Variants in KAZN observed in about 807,000 individuals in gnomAD.
KAZN encodes kazrin.
A neutral mutation model predicts 87.4 loss-of-function variants in KAZN; 40 were observed. The observed-to-expected ratio is 0.46, with a 90% CI of 0.36 to 0.60. The LOEUF (loss-of-function observed/expected upper bound fraction) is 0.60, where lower values mean the gene tolerates loss of function less well. KAZN is among the 20% of genes least tolerant of loss of function. The pLI is 0.00. For missense variants in KAZN, 898 were observed against 1,073.9 expected (o/e 0.84, Z 2.29); for synonymous variants, 466 against 458.3 (o/e 1.02, Z -0.22).
At position 14,430,239 on chromosome 1, in the gene KAZN, T is replaced by C. The variant is rs368157783; in HGVS notation, c.250-168744T>C. On this transcript the variant is annotated intron_variant, in intron 2 of 16. Transcript: ENST00000636203. ...AAAAAAAAAAAAAAAAAACTCTTTA[T>C]CTTTGCCTACTTTTTTTTCCTTTGT... is the stretch of plus-strand genomic sequence containing the variant. 8.7e-3 allele frequency among the ~76,000 whole-genome samples: 1,314 copies of C among 151,534 alleles called. 18 individuals are homozygous for C. The highest frequency in any genetic ancestry group is 0.031 in the African/African-American group (1,260 of 41,166).
intron 2 of KAZN, among the ~76,000 whole-genome samples, chr1:14,972,908 G>T (rs959053225): frequency 6.6e-6 from 1 of 152,090 alleles, no homozygotes; most frequent in African/African-American, 2.4e-5. Context: ...AGGAGAGGGG[G>T]TGTGGGGAAC....
Position 13,988,394 on chromosome 1 carries a change from A to G in KAZN, c.91+94638A>G, listed in dbSNP as rs546813328. 2.0e-5 allele frequency among the ~76,000 whole-genome samples: 3 copies of G among 152,254 alleles called. No individual in the cohort carries two copies. In the East Asian group the frequency reaches 5.8e-4, roughly 29 times the overall value. On this transcript the variant is annotated intron_variant, in intron 1 of 16. Transcript: ENST00000636203. The stretch of plus-strand genomic sequence containing the variant: ...ACTGTAAAATTTTATATCTTGTCCA[A>G]GTTATTGTCCAAATAGGTATTCAAC...
At chr1:14,596,599 C>T (rs963524352), upstream of KAZN, among the ~76,000 whole-genome samples, 37 of 152,356 alleles carry the variant, frequency 2.4e-4, no homozygotes, top group African/African-American at 8.9e-4. Context: ...TAAGCAGTTA[C>T]TTCTCATTCT....
chr1:14,906,144 C>G (rs1656532854), intron 1 of KAZN, among the ~76,000 whole-genome samples: 1 of 150,538 alleles, frequency 6.6e-6, no homozygotes, highest in African/African-American at 2.4e-5. Context: ...TCCAACCTGG[C>G]CACAGATCGA....
At chr1:14,652,849 G>A (rs58966900) in intron 1 of KAZN, among the ~76,000 whole-genome samples, 32 of 151,708 alleles carry the variant, frequency 2.1e-4, no homozygotes, top group African/African-American at 6.3e-4. Context: ...TTGCTACCCC[G>A]CCCCCATGGC....
intron 2 of KAZN, among the ~76,000 whole-genome samples, chr1:14,260,562 C>T (rs1299361551): frequency 6.6e-6 from 1 of 152,102 alleles, no homozygotes; most frequent in Non-Finnish European, 1.5e-5. Context: ...TGGATGGAGA[C>T]ATCATTAACT....
chr1:15,001,304 A>G (rs1042255246), intron 2 of KAZN, among the ~76,000 whole-genome samples: 1 of 140,590 alleles, frequency 7.1e-6, no homozygotes, highest in Non-Finnish European at 1.6e-5. Flanking sequence ...TCTACTAAAA[A>G]TACAAAAAAA....
At position 14,363,432 on chromosome 1, in the gene KAZN, C is replaced by G. The variant is rs561587284; in HGVS notation, c.249+182840C>G. On this transcript the variant is annotated intron_variant, in intron 2 of 16. Transcript: ENST00000636203. Reference sequence around the variant, plus strand: ...TTCCCTCTAATCAAGGAAACACAACCCCAAACAATGGGCTGCTCAGACTTC... The same window carrying G: ...TTCCCTCTAATCAAGGAAACACAACGCCAAACAATGGGCTGCTCAGACTTC... Among the ~76,000 whole-genome samples, 63 of 152,290 alleles carry G rather than the reference C, an allele frequency of 4.1e-4. 1 individual carries two copies. The highest frequency in any genetic ancestry group is 1.5e-3 in the African/African-American group (61 of 41,570).
intron 2 of KAZN, among the ~76,000 whole-genome samples, chr1:14,582,671 C>T (rs537709835): frequency 6.6e-6 from 1 of 152,280 alleles, no homozygotes; most frequent in South Asian, 2.1e-4. Flanking sequence ...TGGGAAGCAC[C>T]ACTAACCTAG....
chr1:14,135,181 G>C (rs6683140), intron 1 of KAZN, among the ~76,000 whole-genome samples: 101,424 of 152,066 alleles, frequency 0.67, 35,130 homozygotes, highest in African/African-American at 0.84. Context: ...AGTGGCAGCA[G>C]CCAGGCCTGC....
intron 2 of KAZN, among the ~76,000 whole-genome samples, chr1:14,496,430 G>A (rs12030800): frequency 0.031 from 4,654 of 152,134 alleles, 191 homozygotes; most frequent in East Asian, 0.16. Flanking sequence ...TCATAGACTC[G>A]TTAACCACAG....
chr1:14,260,916 A>G (rs1650964842), intron 2 of KAZN, among the ~76,000 whole-genome samples: 1 of 152,174 alleles, frequency 6.6e-6, no homozygotes, highest in Non-Finnish European at 1.5e-5. Flanking sequence ...TCCAGGGTGC[A>G]TGCTCCCACT....
At chr1:14,572,860 C>T (rs971882262) in intron 2 of KAZN, among the ~76,000 whole-genome samples, 1 of 152,180 alleles carries the variant, frequency 6.6e-6, no homozygotes, top group African/African-American at 2.4e-5. Context: ...AAACACCTAA[C>T]GGATTAAACA....
chr1:14,419,871 G>T (rs74476036), intron 2 of KAZN, among the ~76,000 whole-genome samples: 28 of 151,084 alleles, frequency 1.9e-4, no homozygotes, highest in African/African-American at 6.7e-4. Context: ...ATTACAGCTC[G>T]CACAGACAGT....
At position 14,557,142 on chromosome 1, in the gene KAZN, G is replaced by A. The variant is rs374973274; in HGVS notation, c.250-41841G>A. Among the ~76,000 whole-genome samples, 10 of 152,208 alleles carry A rather than the reference G, an allele frequency of 6.6e-5. 1 individual carries two copies. The East Asian group carries it at 1.5e-3, about 23-fold the overall frequency. On this transcript the variant is annotated intron_variant, in intron 2 of 16. Coordinates refer to the KAZN transcript ENST00000636203. ...AGAAATAACGTGGGCAAATAGTAAA[G>A]TCAAAATTTTAGCAGACTGCATGAA...
At chr1:14,423,880 G>A (rs1305418678) in intron 2 of KAZN, among the ~76,000 whole-genome samples, 1 of 152,156 alleles carries the variant, frequency 6.6e-6, no homozygotes, top group Non-Finnish European at 1.5e-5. Flanking sequence ...GGCTGGGACC[G>A]TCCACATCAG....
chr1:14,658,702 A>G (rs1427646651), intron 1 of KAZN, among the ~76,000 whole-genome samples: 1 of 152,166 alleles, frequency 6.6e-6, no homozygotes, highest in African/African-American at 2.4e-5. Flanking sequence ...CTGCAGTGGA[A>G]GGGAACTCAC....
chr1:14,139,828 A>G (rs1208515431), intron 1 of KAZN, among the ~76,000 whole-genome samples: 1 of 152,104 alleles, frequency 6.6e-6, no homozygotes, highest in Non-Finnish European at 1.5e-5. Flanking sequence ...ATCAGGTCAG[A>G]TTTTCTCTAA....
In KAZN at chr1:14,838,469, C is replaced by T. The variant is rs553238948; in HGVS notation, c.227-122215C>T. 4.6e-5 allele frequency among the ~76,000 whole-genome samples: 7 copies of T among 152,304 alleles called. No individual in the cohort carries two copies. In the South Asian group the frequency reaches 8.3e-4, roughly 18 times the overall value. Reference sequence around the variant, plus strand: ...CCTCAGCTGGGAAGAAAGAGCCCCCCACCTGGTCAGTTACCCAGAATCTTC... The same window carrying T: ...CCTCAGCTGGGAAGAAAGAGCCCCCTACCTGGTCAGTTACCCAGAATCTTC... On this transcript the variant is annotated intron_variant, in intron 1 of 14. Coordinates refer to ENST00000376030, the MANE Select transcript of KAZN (RefSeq NM_201628.3).
Sources: gnomAD v4.1 joint callset for allele counts (sites outside exome capture counted in the v4.1 genomes callset) on GRCh38, gnomAD v4.1.1 for gene constraint, MANE v1.5 for transcripts, NCBI Gene and HGNC (gene_info 2026-07-23, HGNC 2026-07-21) for gene names.